The following TBXAS1 variants were observed in gnomAD, a reference collection of about 807,000 sequenced individuals.
TBXAS1 encodes the protein thromboxane A synthase 1, also known as thromboxane-A synthase.
Under a neutral mutation model 60.7 loss-of-function variants are expected in TBXAS1, and 48 were observed. That is an observed-to-expected ratio of 0.79 (90% CI 0.63 to 1.01). The LOEUF (loss-of-function observed/expected upper bound fraction) is 1.01, where lower values mean the gene tolerates loss of function less well. TBXAS1 is among the 50% of genes least tolerant of loss of function. The probability of loss-of-function intolerance (pLI) is 0.00; values close to 1 mark genes in which losing one functional copy is unlikely to be tolerated. For missense variants in TBXAS1, 685 were observed against 686.3 expected (o/e 1.00, Z 0.02); for synonymous variants, 287 against 269.7 (o/e 1.06, Z -0.63).
chr7:139,928,333 G>T (rs974226444), intron 4 of TBXAS1, among the ~76,000 whole-genome samples: 2 of 152,198 alleles, frequency 1.3e-5, no homozygotes, highest in African/African-American at 4.8e-5. Context: ...TGGTCTTAAT[G>T]AATTATTCTT....
chr7:139,978,546 T>TTA (rs1811725323), intron 9 of TBXAS1, among the ~76,000 whole-genome samples: 1 of 151,756 alleles, frequency 6.6e-6, no homozygotes, highest in African/African-American at 2.4e-5. Context: ...TAAAGAAGAA[T>TTA]AATAAGAATT....
chr7:140,014,917 A>AG (rs58840984), intron 10 of TBXAS1, among the ~76,000 whole-genome samples: 1 of 151,334 alleles, frequency 6.6e-6, no homozygotes, highest in Non-Finnish European at 1.5e-5. Context: ...TCAAAAAAAA[A>AG]GAAGAAGAAG....
chr7:139,930,594 C>A (rs930686795), intron 4 of TBXAS1, among the ~76,000 whole-genome samples: 2 of 152,142 alleles, frequency 1.3e-5, no homozygotes, highest in Admixed American at 6.5e-5. Context: ...GCAAATGCAA[C>A]CCGAGCTTCC....
chr7:139,864,103 A>G (rs1801172165), intron 1 of TBXAS1, among the ~76,000 whole-genome samples: 1 of 152,194 alleles, frequency 6.6e-6, no homozygotes, highest in Non-Finnish European at 1.5e-5. Context: ...GAAGTCAGAC[A>G]AAAGGATTAA....
chr7:139,826,166 C>T (rs996643679), upstream of TBXAS1, among the ~76,000 whole-genome samples: 1 of 152,154 alleles, frequency 6.6e-6, no homozygotes, highest in Non-Finnish European at 1.5e-5. Context: ...CTGCAGTGTT[C>T]CTGTGGCTGA....
At chr7:139,832,645 A>G (rs553507350) in intron 1 of TBXAS1, among the ~76,000 whole-genome samples, 3 of 152,212 alleles carry the variant, frequency 2.0e-5, no homozygotes, top group African/African-American at 7.2e-5. Context: ...ATCTTTGCCT[A>G]GGCACATTGT....
intron 5 of TBXAS1, among the ~76,000 whole-genome samples, chr7:139,949,201 C>A (rs1475851754): frequency 6.6e-6 from 1 of 152,184 alleles, no homozygotes; most frequent in East Asian, 1.9e-4. Context: ...CCTCTTTATA[C>A]ACAGGGCATG....
intron 5 of TBXAS1, 139 bp from the exon 6 acceptor site, chr7:139,953,229 A>C: frequency 1.4e-6 from 1 of 736,410 alleles, no homozygotes; most frequent in Non-Finnish European, 2.4e-6. Context: ...CTTCTTCTTG[A>C]ATCTTAGCTG....
intron 9 of TBXAS1, among the ~76,000 whole-genome samples, chr7:140,000,462 A>G (rs1305840700): frequency 6.6e-6 from 1 of 152,198 alleles, no homozygotes; most frequent in Non-Finnish European, 1.5e-5. Flanking sequence ...GAGCTATGAC[A>G]GCACCACTGC....
At chr7:140,008,837 A>T (rs1814297239) in intron 10 of TBXAS1, among the ~76,000 whole-genome samples, 1 of 152,202 alleles carries the variant, frequency 6.6e-6, no homozygotes, top group Admixed American at 6.5e-5. Flanking sequence ...AAGATAAAGC[A>T]TTCAGGGATC....
chr7:139,884,483 G>A (rs967138369), intron 3 of TBXAS1, among the ~76,000 whole-genome samples: 2 of 152,216 alleles, frequency 1.3e-5, no homozygotes, highest in Non-Finnish European at 2.9e-5. Flanking sequence ...GGAAGGAATG[G>A]CCTGGAAACT....
intron 5 of TBXAS1, among the ~76,000 whole-genome samples, chr7:139,945,433 C>A (rs1439661388): frequency 6.6e-6 from 1 of 152,202 alleles, no homozygotes; most frequent in Non-Finnish European, 1.5e-5. Context: ...TTCAGCAAAC[C>A]ACACTGTATT....
chr7:139,970,506 T>C (rs1811121949), intron 9 of TBXAS1, among the ~76,000 whole-genome samples: 1 of 152,252 alleles, frequency 6.6e-6, no homozygotes, highest in Non-Finnish European at 1.5e-5. Flanking sequence ...ATACGTACTG[T>C]GTCTCTCTCA....
chr7:139,913,789 A>G (rs1027394123), intron 4 of TBXAS1: 1 of 152,234 alleles, frequency 6.6e-6, no homozygotes, highest in Non-Finnish European at 1.5e-5. Flanking sequence ...AGCCTTCAGG[A>G]CTAAGTTCAA....
At chr7:139,834,824 T>C (rs545060492) in intron 1 of TBXAS1, among the ~76,000 whole-genome samples, 105 of 152,122 alleles carry the variant, frequency 6.9e-4, no homozygotes, top group African/African-American at 2.4e-3. Flanking sequence ...GAAATGGTAA[T>C]TAAAAAATTA....
rs748293464 is a variant in TBXAS1 at position 139,952,757 on chromosome 7, T to G, written c.451-611T>G. On this transcript the variant is annotated intron_variant, in intron 5 of 12. Coordinates refer to ENST00000448866, the MANE Select transcript of TBXAS1 (RefSeq NM_001061.7). ...AAAAAGAAACCCAACAATTGCCCCATGTGGGCATAGGAGGCATCTTGAAGT... is the reference window on the plus strand; with the variant it reads ...AAAAAGAAACCCAACAATTGCCCCAGGTGGGCATAGGAGGCATCTTGAAGT... 8 of 1,439,018 alleles carry G rather than the reference T, an allele frequency of 5.6e-6. No individual in the cohort carries two copies. In the East Asian group the frequency reaches 1.8e-4, roughly 32 times the overall value. 89.1% of individuals were successfully genotyped at this position (1,439,018 alleles called of 1,614,324 possible). A position where few individuals can be genotyped will look rare whatever the true frequency, so the allele number is the denominator to read the frequency against.
At chr7:139,812,905 A>G (rs1454454021) in intron 4 of TBXAS1, among the ~76,000 whole-genome samples, 1 of 151,858 alleles carries the variant, frequency 6.6e-6, no homozygotes, top group Non-Finnish European at 1.5e-5. Flanking sequence ...AAAAATACAA[A>G]AATTAGCCAG....
At chr7:139,889,913 C>G (rs557671013) in intron 3 of TBXAS1, among the ~76,000 whole-genome samples, 51 of 152,236 alleles carry the variant, frequency 3.4e-4, no homozygotes, top group African/African-American at 1.2e-3. Context: ...ACATTGGGTG[C>G]AAGGTGACTT....
chr7:139,955,106 C>G lies in TBXAS1; in HGVS notation c.540-353C>G, dbSNP rs118160046. On this transcript the variant is annotated intron_variant, in intron 6 of 12. Transcript: ENST00000448866. Reference sequence around the variant, plus strand: ...TGGGTCACCTGTGTGCCCTCCTTCCCAGGGAGGAAACTATAAAGTGTCCTT... The same window carrying G: ...TGGGTCACCTGTGTGCCCTCCTTCCGAGGGAGGAAACTATAAAGTGTCCTT... Among the ~76,000 whole-genome samples the G allele has an allele frequency of 6.8e-3, 1,033 of 152,296 alleles. 5 individuals carry two copies. The highest frequency in any genetic ancestry group is 0.011 in the Non-Finnish European group (730 of 68,016).
Sources: gnomAD v4.1 joint callset for allele counts (sites outside exome capture counted in the v4.1 genomes callset) on GRCh38, gnomAD v4.1.1 for gene constraint, MANE v1.5 for transcripts, NCBI Gene and HGNC (gene_info 2026-07-23, HGNC 2026-07-21) for gene names.